Variants in CDC23 observed in about 807,000 individuals in gnomAD.
The protein encoded by CDC23 is cell division cycle protein 23 homolog.
CDC23 carries 26 observed loss-of-function variants against 81.7 expected under a neutral mutation model. That is an observed-to-expected ratio of 0.32 (90% confidence interval 0.23 to 0.44). The LOEUF is 0.44. Among genes scored for constraint, CDC23 ranks in the 20% least tolerant of loss-of-function variants. The probability of loss-of-function intolerance (pLI) is 1.00; values close to 1 mark genes in which losing one functional copy is unlikely to be tolerated. For missense variants in CDC23, 519 were observed against 728.0 expected (o/e 0.71, Z 3.30); for synonymous variants, 267 against 270.8 (o/e 0.99, Z 0.14).
At chr5:138,209,467 A>C (rs1331622612) in intron 2 of CDC23, among the ~76,000 whole-genome samples, 1 of 151,808 alleles carries the variant, frequency 6.6e-6, no homozygotes, top group Non-Finnish European at 1.5e-5. Context: ...TTTAAGTCCA[A>C]GACAAAGGAT....
chr5:138,198,504 G>C lies in CDC23; in HGVS notation c.852C>G (p.Ser284=), dbSNP rs748965883. The change falls in exon 8 of 16, where the codon TCC becomes TCG. Residue 284 remains serine (S), a synonymous_variant. Transcript: ENST00000394886. ...HNIRDIDKAL[S]IFNELRKQDP... ...CTTGTTTCCTTAGCTCATTAAAAAT[G>C]GAGAGGGCTTTGTCAATATCTGCAG... 1 of 1,614,134 alleles carries C rather than the reference G, an allele frequency of 6.2e-7. No individual in the cohort carries two copies. Among genetic ancestry groups the C allele is most frequent in the Admixed American group, 1.7e-5 (1 of 60,030 alleles).
Position 138,201,156 on chromosome 5 carries a change from T to G in CDC23, c.605A>C (p.His202Pro). Residue 202 changes from histidine to proline, a missense_variant, in exon 6 of 16, where the codon CAT (histidine) becomes CCT (proline). By Grantham distance (77) the His-to-Pro change is moderately conservative. This residue lies in a region of CDC23 where 180 missense variants were observed against 239.3 expected (regional missense o/e 0.75). Transcript: ENST00000394886. ...ACAGAGTTCTAACCAGGCTCCCCAA[T>G]GCAAGGGCAAAACATGAGTAGCTTC... ...FVEATHVLPL[H>P]WGAWLELCNL... 6.2e-7 allele frequency: 1 copy of G among 1,614,158 alleles called. No homozygotes were observed. The highest frequency in any genetic ancestry group is 8.5e-7 in the Non-Finnish European group (1 of 1,180,022).
At chr5:138,196,285 A>T (rs1465626860) in intron 9 of CDC23, among the ~76,000 whole-genome samples, 2 of 151,704 alleles carry the variant, frequency 1.3e-5, no homozygotes, top group Non-Finnish European at 2.9e-5. Context: ...TATTCTTCTC[A>T]TATATATTGA....
intron 9 of CDC23, among the ~76,000 whole-genome samples, chr5:138,194,225 G>A (rs1405986384): frequency 1.3e-5 from 2 of 152,134 alleles, no homozygotes; most frequent in Non-Finnish European, 2.9e-5. Context: ...TGAGGTGGGA[G>A]GATCACTTAA....
intron 1 of CDC23, 31 bp from the exon 2 acceptor site, chr5:138,213,094 G>C: frequency 6.2e-7 from 1 of 1,613,934 alleles, no homozygotes. Flanking sequence ...AGATCAGCTC[G>C]ACAAGCCCCC....
chr5:138,192,378 C>G lies in CDC23; in HGVS notation c.1177G>C (p.Glu393Gln). 6.2e-7 allele frequency: 1 copy of G among 1,614,150 alleles called. No homozygotes were observed. The highest frequency in any genetic ancestry group is 8.5e-7 in the Non-Finnish European group (1 of 1,180,046). The change falls in exon 11 of 16, where the codon GAG becomes CAG. Residue 393 changes from glutamate (E) to glutamine (Q), a missense_variant. Physicochemically the swap from Glu to Gln is conservative, Grantham distance 29. Transcript: ENST00000394886. ...AAIQAYRHAI[E>Q]VNKRDYRAWY... ...GCTCTGTAGTCCCGTTTGTTGACCT[C>G]AATGGCATGTCTAAGAAATGGAAAA...
intron 9 of CDC23, among the ~76,000 whole-genome samples, chr5:138,195,637 AC>A (rs1266768729): frequency 5.1e-5 from 6 of 117,706 alleles, no homozygotes; most frequent in African/African-American, 9.9e-5. Flanking sequence ...AAATATATAT[AC>A]ATATATAATA....
intron 2 of CDC23, among the ~76,000 whole-genome samples, chr5:138,209,430 A>AAAAAAAAAAAAAAAG (rs1554107753): frequency 6.6e-6 from 1 of 151,078 alleles, no homozygotes; most frequent in African/African-American, 2.5e-5. Context: ...TCAAAAAAAA[A>AAAAAAAAAAAAAAAG]AAAAGAAAAG....
At chr5:138,192,722 G>C in intron 9 of CDC23, 65 bp from the exon 10 acceptor site, 8 of 1,460,006 alleles carry the variant, frequency 5.5e-6, no homozygotes, top group Non-Finnish European at 7.5e-6. Flanking sequence ...CATTAAAATA[G>C]ATAGCATTCC....
At chr5:138,195,722 G>GTA (rs869265284) in intron 9 of CDC23, among the ~76,000 whole-genome samples, 17 of 52,428 alleles carry the variant, frequency 3.2e-4, no homozygotes, top group Admixed American at 1.5e-3. Flanking sequence ...TAATATATAT[G>GTA]TATATATATA....
rs1187011347 is a variant in CDC23, at chr5:138,213,183, G to T, written c.130C>A (p.Arg44=). The change falls in exon 1 of 16, where the codon CGG becomes AGG. Residue 44 remains arginine (R), a synonymous_variant. Coordinates refer to ENST00000394886, the MANE Select transcript of CDC23 (RefSeq NM_004661.4). The stretch of plus-strand genomic sequence containing the variant: ...CTACTGTGTAGTAGGCCCCGCTCCC[G>T]GGTAAGGCCCGCAATAAGCAGCAGT... ...KQLLLIAGLT[R]ERGLLHSSKW... 6.2e-7 allele frequency: 1 copy of T among 1,614,114 alleles called. No homozygotes were observed. The highest frequency in any genetic ancestry group is 1.7e-5 in the Admixed American group (1 of 60,010).
intron 2 of CDC23, among the ~76,000 whole-genome samples, chr5:138,211,760 A>G (rs537485690): frequency 1.3e-5 from 2 of 152,306 alleles, no homozygotes; most frequent in Admixed American, 6.5e-5. Context: ...AGAATCACAC[A>G]ATATATCCAT....
At chr5:138,210,200 T>C (rs1427579326) in intron 2 of CDC23, among the ~76,000 whole-genome samples, 2 of 119,390 alleles carry the variant, frequency 1.7e-5, no homozygotes, top group Non-Finnish European at 3.5e-5. Context: ...TGGGTAACAG[T>C]GCAAGACTCC....
Position 138,198,476 on chromosome 5 carries a change from G to T in CDC23, c.880C>A (p.Pro294Thr). The T allele has an allele frequency of 6.2e-7, 1 of 1,614,064 alleles. No homozygotes were observed. ...SIFNELRKQD[P>T]YRIENMDTFS... The stretch of plus-strand genomic sequence containing the variant: ...GTGTCCATATTTTCAATCCTGTAAG[G>T]GTCTTGTTTCCTTAGCTCATTAAAA... The change falls in exon 8 of 16, where the codon CCT (proline) becomes ACT (threonine). Residue 294 changes from proline (P) to threonine (T), a missense_variant. Physicochemically the swap from Pro to Thr is conservative, Grantham distance 38. Coordinates refer to ENST00000394886, the MANE Select transcript of CDC23 (RefSeq NM_004661.4).
At chr5:138,209,700 G>A (rs1407672922) in intron 2 of CDC23, among the ~76,000 whole-genome samples, 3 of 149,996 alleles carry the variant, frequency 2.0e-5, no homozygotes, top group African/African-American at 7.4e-5. Flanking sequence ...TGGCACATTC[G>A]GTAATCCCGG....
At position 138,196,879 on chromosome 5, in the gene CDC23, C is replaced by CT. The variant is rs1180374462; in HGVS notation, c.1012+1319dup. 3.7e-3 allele frequency among the ~76,000 whole-genome samples: 525 copies of CT among 141,744 alleles called. 16 individuals carry two copies. The highest frequency in any genetic ancestry group is 0.013 in the African/African-American group (495 of 37,682). 93.0% of individuals were successfully genotyped at this position (141,744 alleles called of 152,430 possible). A position where few individuals can be genotyped will look rare whatever the true frequency, so the allele number is the denominator to read the frequency against. The stretch of plus-strand genomic sequence containing the variant: ...ACAGGTGTGAGCCACCGCGCCTGGC[C>CT]TTTTTTTTTCCTTTTTTTTTTTTTT... On this transcript the variant is annotated intron_variant, in intron 9 of 15. Coordinates refer to ENST00000394886, the MANE Select transcript of CDC23 (RefSeq NM_004661.4).
chr5:138,199,670 A>G (rs1226161280), intron 6 of CDC23, among the ~76,000 whole-genome samples: 1 of 152,264 alleles, frequency 6.6e-6, no homozygotes, highest in African/African-American at 2.4e-5. Flanking sequence ...AGACACAAGT[A>G]TGACTCTAAT....
intron 2 of CDC23, among the ~76,000 whole-genome samples, chr5:138,209,591 G>C (rs1755091051): frequency 6.6e-6 from 1 of 152,014 alleles, no homozygotes; most frequent in South Asian, 2.1e-4. Context: ...TTGGGAGGCT[G>C]AGGTGGGTGG....
chr5:138,206,826 T>C, intron 2 of CDC23, 142 bp from the exon 3 acceptor site: 1 of 424,768 alleles, frequency 2.4e-6, no homozygotes, highest in Non-Finnish European at 4.0e-6. Context: ...TGTAGATGCA[T>C]ATATATATAA....
Sources: gnomAD v4.1 joint callset for allele counts (sites outside exome capture counted in the v4.1 genomes callset) on GRCh38, gnomAD v4.1.1 for gene constraint, gnomAD v4.1.1 regional missense constraint, MANE v1.5 for transcripts, NCBI Gene and HGNC (gene_info 2026-07-23, HGNC 2026-07-21) for gene names.